The following PDCD2 variants were observed in gnomAD, a reference collection of about 807,000 sequenced individuals.
The protein encoded by PDCD2 is programmed cell death 2, also known as uS5 assembly chaperone PDCD2.
PDCD2 carries 38 observed loss-of-function variants against 38.1 expected under a neutral mutation model. That is an observed-to-expected ratio of 1.00 (90% CI 0.77 to 1.31). PDCD2 has a LOEUF of 1.31. Ranked by LOEUF, PDCD2 falls within the 50% of genes most tolerant of loss-of-function variation. PDCD2 has a pLI of 0.00. For missense variants in PDCD2, 473 were observed against 435.7 expected, an observed-to-expected ratio of 1.09 and a Z score of -0.76; for synonymous variants, 205 against 168.9, an observed-to-expected ratio of 1.21 and a Z score of -1.66.
rs1583146478 is a variant in PDCD2 at position 170,584,445 on chromosome 6, G to A, written c.137C>T (p.Pro46Leu). 2.3e-6 allele frequency: 3 copies of A among 1,325,190 alleles called. No homozygotes were observed. Among genetic ancestry groups the A allele is most frequent in the Non-Finnish European group, 2.9e-6 (3 of 1,043,394 alleles). The allele number at this position is 1,325,190 out of a possible 1,614,324, so 82.1% of individuals were successfully genotyped here. Residue 46 changes from proline (P) to leucine (L), a missense_variant, in exon 1 of 6, where the codon CCC becomes CTC. Coordinates refer to ENST00000541970, the MANE Select transcript of PDCD2 (RefSeq NM_002598.4). ...AWLGAAGLPGPQALACELCGR... is the reference protein window; with the variant it reads ...AWLGAAGLPGLQALACELCGR... ...GCACAGCTCGCAGGCCAGGGCCTGG[G>A]GCCCCGGCAGCCCGGCCGCGCCCAG...
chr6:170,584,428 CGCAGGCCAGGGCCTGGGGCCCCG>C lies in PDCD2; in HGVS notation c.131_153del (p.Pro44ArgfsTer46). 3 of 1,386,692 alleles carry C rather than the reference CGCAGGCCAGGGCCTGGGGCCCCG, an allele frequency of 2.2e-6. No homozygotes were observed. The highest frequency in any genetic ancestry group is 2.8e-6 in the Non-Finnish European group (3 of 1,075,114). 85.9% of individuals were successfully genotyped at this position (1,386,692 alleles called of 1,614,324 possible). A position where few individuals can be genotyped will look rare whatever the true frequency, so the allele number is the denominator to read the frequency against. ...AAGGAGAGCGGGCGGCCGCACAGCT[CGCAGGCCAGGGCCTGGGGCCCCG>C]GCAGCCCGGCCGCGCCCAGCCATGC... On this transcript the variant is annotated frameshift_variant, in exon 1 of 6. Transcript: ENST00000541970. LOFTEE classifies it high-confidence loss of function.
rs140508749 is a variant in PDCD2 at position 170,580,930 on chromosome 6, G to C, written c.659-825C>G. On this transcript the variant is annotated intron_variant, in intron 3 of 5. Coordinates refer to ENST00000541970, the MANE Select transcript of PDCD2 (RefSeq NM_002598.4). ...CTGATGGTGTTCACTTGCACCATCA[G>C]GTCTGATGGAGGAAGTGTAGGATGC... 6.9e-3 allele frequency among the ~76,000 whole-genome samples: 1,043 copies of C among 152,242 alleles called. 11 individuals are homozygous for C. Among genetic ancestry groups the C allele is most frequent in the African/African-American group, 0.024 (993 of 41,532 alleles).
chr6:170,578,612 T>TA, intron 5 of PDCD2: 3 of 702,798 alleles, frequency 4.3e-6, no homozygotes, highest in Non-Finnish European at 7.8e-6. Flanking sequence ...GCAGTGTAGA[T>TA]ATCCTCATTG....
chr6:170,582,023 C>T lies in PDCD2; in HGVS notation c.658+1034G>A, dbSNP rs1779619732. The T allele has an allele frequency of 4.1e-6, 5 of 1,228,308 alleles. No homozygotes were observed. The South Asian group carries it at 6.3e-5, about 16-fold the overall frequency. The allele number at this position is 1,228,308 out of a possible 1,614,324, so 76.1% of individuals were successfully genotyped here. On this transcript the variant is annotated intron_variant, in intron 3 of 5. Transcript: ENST00000541970. ...AGTCCAGCTTTCATCCTTGATCCTG[C>T]TACTCTAGGCTCTCCTTTCTCCTAA...
chr6:170,579,310 CTG>C (rs1488469365), intron 4 of PDCD2: 1 of 209,430 alleles, frequency 4.8e-6, no homozygotes, highest in Non-Finnish European at 9.4e-6. Flanking sequence ...TGCCCAGAGT[CTG>C]TGCCTACCTT....
At chr6:170,578,486 G>A (rs557862399) in intron 5 of PDCD2, 1 of 628,506 alleles carries the variant, frequency 1.6e-6, no homozygotes, top group Admixed American at 2.8e-5. Context: ...CTCTCATAAA[G>A]TATATAGTCA....
intron 3 of PDCD2, chr6:170,581,993 T>G: frequency 1.2e-6 from 1 of 854,290 alleles, no homozygotes; most frequent in Non-Finnish European, 1.7e-6. Flanking sequence ...ACAAGGCATA[T>G]TTGAAGTCCA....
chr6:170,584,219 G>A (rs1019517061), intron 1 of PDCD2, 80 bp downstream of exon 1: 1 of 1,283,110 alleles, frequency 7.8e-7, no homozygotes, highest in Non-Finnish European at 9.9e-7. Flanking sequence ...GCTTGCCGCC[G>A]TCCCCCTGGT....
intron 3 of PDCD2, 137 bp from the exon 4 acceptor site, chr6:170,580,242 T>G: frequency 1.6e-6 from 1 of 615,826 alleles, no homozygotes; most frequent in Non-Finnish European, 2.9e-6. Context: ...CCATCTGAAT[T>G]TCCAGGTACT....
rs1262490323 is a variant in PDCD2 at position 170,575,506 on chromosome 6, G to A, written c.*2053C>T. The A allele has an allele frequency of 6.6e-6, 1 of 152,198 alleles. No homozygotes were observed. Among genetic ancestry groups the A allele is most frequent in the African/African-American group, 2.4e-5 (1 of 41,462 alleles). The allele number at this position is 152,198 out of a possible 1,614,324, so 9.4% of individuals were successfully genotyped here. ...GATGCATGGACTGGCACCGTCTGTG[G>A]AGCCATGATTATGTAGGTGAGACTT... On this transcript the variant is annotated 3_prime_UTR_variant, in exon 6 of 6. Coordinates refer to ENST00000541970, the MANE Select transcript of PDCD2 (RefSeq NM_002598.4).
intron 1 of PDCD2, chr6:170,584,001 C>G (rs1779719254): frequency 1.8e-6 from 1 of 551,662 alleles, no homozygotes; most frequent in African/African-American, 1.9e-5. Flanking sequence ...TACGAAAAAG[C>G]TACTGGGATC....
rs145236172 is a variant in PDCD2 at position 170,577,172 on chromosome 6, T to C, written c.*387A>G. 3.7e-3 allele frequency: 581 copies of C among 157,002 alleles called. 5 individuals are homozygous for C. The highest frequency in any genetic ancestry group is 0.012 in the African/African-American group (520 of 41,706). The allele number at this position is 157,002 out of a possible 1,614,324, so 9.7% of individuals were successfully genotyped here. On this transcript the variant is annotated 3_prime_UTR_variant, in exon 6 of 6. Transcript: ENST00000541970. Reference sequence around the variant, plus strand: ...TTTATTATAAAAAGAAATGCACATATAAGTAAAAAGACCATTTTAGTTAGT... The same window carrying C: ...TTTATTATAAAAAGAAATGCACATACAAGTAAAAAGACCATTTTAGTTAGT...
chr6:170,582,081 C>T (rs1779623221), intron 3 of PDCD2: 4 of 1,505,254 alleles, frequency 2.7e-6, no homozygotes, highest in Non-Finnish European at 3.5e-6. Flanking sequence ...TCATGTTTAT[C>T]GTATAGGCAT....
intron 5 of PDCD2, chr6:170,578,340 T>C: frequency 2.5e-6 from 1 of 406,692 alleles, no homozygotes; most frequent in Non-Finnish European, 4.4e-6. Flanking sequence ...AATCCATAGC[T>C]CAAGAGCATT....
At chr6:170,583,320 T>C (rs1483168200) in intron 2 of PDCD2, 132 bp from the exon 3 acceptor site, 12 of 898,752 alleles carry the variant, frequency 1.3e-5, no homozygotes, top group Admixed American at 8.0e-5. Flanking sequence ...TAAATGCCTA[T>C]ATGGTGACAT....
At chr6:170,582,702 T>G in intron 3 of PDCD2, 3 of 1,217,426 alleles carry the variant, frequency 2.5e-6, no homozygotes, top group Non-Finnish European at 3.1e-6. Context: ...AAAGAGAAAC[T>G]TTTAAGGGGC....
At chr6:170,584,220 T>C in intron 1 of PDCD2, 79 bp downstream of exon 1, 3 of 1,282,930 alleles carry the variant, frequency 2.3e-6, no homozygotes, top group South Asian at 2.5e-5. Flanking sequence ...CTTGCCGCCG[T>C]CCCCCTGGTC....
At chr6:170,578,648 G>A (rs1779512127) in intron 5 of PDCD2, 7 of 703,412 alleles carry the variant, frequency 1.0e-5, no homozygotes, top group Non-Finnish European at 1.8e-5. Flanking sequence ...AATAGACCGT[G>A]TCTGAAAACT....
At position 170,584,474 on chromosome 6, in the gene PDCD2, T is replaced by C. The variant is rs1779749015; in HGVS notation, c.108A>G (p.Ala36=). Residue 36 remains alanine (A), a synonymous_variant, in exon 1 of 6, where the codon GCA becomes GCG. Coordinates refer to ENST00000541970, the MANE Select transcript of PDCD2 (RefSeq NM_002598.4). The stretch of plus-strand genomic sequence containing the variant: ...CCGGCAGCCCGGCCGCGCCCAGCCA[T>C]GCCGGCCGCCCGCCCACCTTGCTGG... ...QFPSKVGGRP[A]WLGAAGLPGP... 4 of 1,314,296 alleles carry C rather than the reference T, an allele frequency of 3.0e-6. No homozygotes were observed. Among genetic ancestry groups the C allele is most frequent in the South Asian group, 2.3e-5 (1 of 43,644 alleles). The allele number at this position is 1,314,296 out of a possible 1,614,324, so 81.4% of individuals were successfully genotyped here. A position where few individuals can be genotyped will look rare whatever the true frequency, so the allele number is the denominator to read the frequency against.
Sources: gnomAD v4.1 joint callset for allele counts (sites outside exome capture counted in the v4.1 genomes callset) on GRCh38, gnomAD v4.1.1 for gene constraint, MANE v1.5 for transcripts, NCBI Gene and HGNC (gene_info 2026-07-23, HGNC 2026-07-21) for gene names.